C5: variants seen among roughly 807,000 people sequenced by gnomAD.
The protein encoded by C5 is C3 and PZP-like alpha-2-macroglobulin domain-containing protein 4.
C5 carries 140 observed loss-of-function variants against 218.8 expected under a neutral mutation model. That is an observed-to-expected ratio of 0.64 (90% CI 0.56 to 0.74). The LOEUF is 0.74. Ranked by LOEUF, C5 falls within the 30% of genes least tolerant of loss-of-function variation. The pLI is 0.00. For missense variants in C5, 1,700 were observed against 1,969.6 expected (o/e 0.86, Z 2.59); for synonymous variants, 614 against 682.3 (o/e 0.90, Z 1.56).
At chr9:121,017,578 T>G in intron 13 of C5, 65 bp downstream of exon 13, 5 of 1,605,068 alleles carry the variant, frequency 3.1e-6, no homozygotes, top group Non-Finnish European at 4.3e-6. Context: ...CAGAAGCAGC[T>G]AAAACTTTGG....
At chr9:120,988,409 G>T (rs942268765) in intron 25 of C5, among the ~76,000 whole-genome samples, 8 of 152,160 alleles carry the variant, frequency 5.3e-5, no homozygotes, top group Non-Finnish European at 1.2e-4. Flanking sequence ...GCCTCCCCAA[G>T]GTGACATTTG....
At chr9:121,065,628 G>C in the C5 span, among the ~76,000 whole-genome samples, 1 of 152,068 alleles carries the variant, frequency 6.6e-6, no homozygotes, top group South Asian at 2.1e-4. Flanking sequence ...TGGGACCACA[G>C]GCACATGCCA....
intron 38 of C5, among the ~76,000 whole-genome samples, chr9:120,959,958 G>T (rs531301668): frequency 6.6e-6 from 1 of 152,126 alleles, no homozygotes; most frequent in Non-Finnish European, 1.5e-5. Context: ...CTTCTCAAAA[G>T]TTCCCTTTGA....
At position 121,015,221 on chromosome 9, in the gene C5, C is replaced by T. The variant is rs2047296479; in HGVS notation, c.2037G>A (p.Leu679=). The T allele has an allele frequency of 5.0e-6, 8 of 1,607,024 alleles. No individual in the cohort carries two copies. In the African/African-American group the frequency reaches 5.4e-5, roughly 11 times the overall value. The change falls in exon 16 of 41, where the codon CTG becomes CTA. Residue 679 remains leucine (L), a synonymous_variant. Transcript: ENST00000223642. Reference sequence around the variant, plus strand: ...TACCTATTTCTTCTATCTTCTTTTGCAGCGTTCTTCTTGGCCTGAGAATTT... The same window carrying T: ...TACCTATTTCTTCTATCTTCTTTTGTAGCGTTCTTCTTGGCCTGAGAATTT... ...CKEILRPRRT[L]QKKIEEIAAK... is the part of the protein sequence containing the mutation.
the C5 span, among the ~76,000 whole-genome samples, chr9:121,057,849 CTT>C: frequency 6.6e-6 from 1 of 152,216 alleles, no homozygotes; most frequent in South Asian, 2.1e-4. Context: ...AGTTTTGTCT[CTT>C]GTTATGGCAT....
intron 33 of C5, among the ~76,000 whole-genome samples, chr9:120,966,914 G>C (rs991702969): frequency 1.3e-5 from 2 of 152,108 alleles, no homozygotes; most frequent in Admixed American, 1.3e-4. Context: ...GAGGCAGGGA[G>C]AAACTATGTG....
At chr9:121,024,387 T>C (rs1206976435) in intron 9 of C5, among the ~76,000 whole-genome samples, 1 of 135,880 alleles carries the variant, frequency 7.4e-6, no homozygotes, top group Admixed American at 7.8e-5. Context: ...GAAGGGGACA[T>C]GACCAGACAA....
intron 37 of C5, among the ~76,000 whole-genome samples, chr9:120,960,931 G>C (rs755735264): frequency 1.3e-5 from 2 of 152,160 alleles, no homozygotes; most frequent in Non-Finnish European, 2.9e-5. Context: ...CTGATTTATA[G>C]CTATAAAATG....
At chr9:121,031,602 T>G (rs943406902) in intron 6 of C5, among the ~76,000 whole-genome samples, 1 of 152,110 alleles carries the variant, frequency 6.6e-6, no homozygotes, top group African/African-American at 2.4e-5. Flanking sequence ...TGATCAGGGT[T>G]AAAGGCATGC....
chr9:121,057,957 G>A, the C5 span, among the ~76,000 whole-genome samples: 2 of 152,014 alleles, frequency 1.3e-5, no homozygotes, highest in African/African-American at 2.4e-5. Context: ...CTTTAAATCC[G>A]GTGTTGTTTG....
intron 11 of C5, among the ~76,000 whole-genome samples, chr9:121,021,049 T>C (rs1435485842): frequency 2.6e-5 from 4 of 152,234 alleles, no homozygotes; most frequent in Admixed American, 6.5e-5. Flanking sequence ...CATATTTTAT[T>C]TGAGATTGGG....
the C5 span, among the ~76,000 whole-genome samples, chr9:121,066,634 C>T: frequency 9.9e-5 from 15 of 151,308 alleles, no homozygotes; most frequent in Non-Finnish European, 1.6e-4. Flanking sequence ...CACCTGAGGT[C>T]GGGAGTTCGA....
At chr9:121,017,618 T>C (rs773942641) in intron 13 of C5, 25 bp downstream of exon 13, 125 of 1,608,780 alleles carry the variant, frequency 7.8e-5, no homozygotes, top group Non-Finnish European at 9.0e-5. Context: ...GAAAATTCAA[T>C]TGTGACTTAT....
At position 120,953,888 on chromosome 9, in the gene C5, A is replaced by G; in HGVS notation, c.4763-20T>C. ...CTTCCCCTGAGAGACATGCAAGTCA[A>G]GTAAGGTTATACCATTCATGTTTTA... is the stretch of plus-strand genomic sequence containing the variant. On this transcript the variant is annotated intron_variant, in intron 39 of 40. Transcript: ENST00000223642. The G allele has an allele frequency of 1.9e-6, 3 of 1,613,506 alleles. No individual in the cohort carries two copies. Among genetic ancestry groups the G allele is most frequent in the Non-Finnish European group, 2.5e-6 (3 of 1,179,414 alleles).
intron 17 of C5, among the ~76,000 whole-genome samples, chr9:121,010,579 T>A (rs534386799): frequency 6.6e-6 from 1 of 152,086 alleles, no homozygotes; most frequent in Non-Finnish European, 1.5e-5. Flanking sequence ...ATCTACTGAT[T>A]CAATGCAATC....
At chr9:121,041,651 A>G (rs2047582310) in intron 3 of C5, among the ~76,000 whole-genome samples, 2 of 152,066 alleles carry the variant, frequency 1.3e-5, no homozygotes. Context: ...TGGATATTAC[A>G]CTGCTTACTG....
chr9:121,067,547 G>A, the C5 span, among the ~76,000 whole-genome samples: 1 of 149,750 alleles, frequency 6.7e-6, no homozygotes, highest in African/African-American at 2.5e-5. Context: ...CTTGGTTGGT[G>A]ACAGAGTGAG....
upstream of C5, among the ~76,000 whole-genome samples, chr9:121,054,684 TAGC>T (rs1354772414): frequency 6.6e-6 from 1 of 152,174 alleles, no homozygotes; most frequent in Non-Finnish European, 1.5e-5. Context: ...ACATGACAGA[TAGC>T]AGACCCTGTA....
At chr9:121,046,140 T>C (rs1371249638) in intron 2 of C5, 51 bp downstream of exon 2, 3 of 925,610 alleles carry the variant, frequency 3.2e-6, no homozygotes, top group East Asian at 2.7e-5. Flanking sequence ...CACATTTTTA[T>C]TGAGAATATT....
Sources: allele counts gnomAD v4.1 joint callset (sites outside exome capture counted in the v4.1 genomes callset), GRCh38; gene constraint gnomAD v4.1.1; transcripts MANE v1.5; gene names NCBI Gene and HGNC (gene_info 2026-07-23, HGNC 2026-07-21).